Variants in SDK1 observed in about 807,000 individuals in gnomAD.
SDK1 encodes the protein protein sidekick-1.
In SDK1, 157 loss-of-function variants were observed where a neutral mutation model predicts 245.5. The observed-to-expected ratio is 0.64, with a 90% CI of 0.56 to 0.73. SDK1 has a LOEUF of 0.73. SDK1 is among the 30% of genes least tolerant of loss of function. The pLI is 0.00. For synonymous variants in SDK1, 1,647 were observed against 1,278.5 expected, an observed-to-expected ratio of 1.29 and a Z score of -6.15; for missense variants, 3,583 against 3,002.3, an observed-to-expected ratio of 1.19 and a Z score of -4.52.
chr7:3,901,827 T>G (rs1781800575), intron 5 of SDK1, among the ~76,000 whole-genome samples: 1 of 152,248 alleles, frequency 6.6e-6, no homozygotes, highest in Non-Finnish European at 1.5e-5. Flanking sequence ...TCTTCACATT[T>G]CCATTCCTTT....
intron 1 of SDK1, among the ~76,000 whole-genome samples, chr7:3,577,968 G>A (rs1009244537): frequency 1.3e-5 from 2 of 152,036 alleles, no homozygotes; most frequent in East Asian, 1.9e-4. Flanking sequence ...AGAGCTGAGA[G>A]ACTAGTGAAA....
Position 3,301,558 on chromosome 7 carries a change from C to T in SDK1, c.-29C>T. 1 of 838,422 alleles carries T rather than the reference C, an allele frequency of 1.2e-6. No homozygotes were observed. The highest frequency in any genetic ancestry group is 1.4e-6 in the Non-Finnish European group (1 of 699,892). The allele number at this position is 838,422 out of a possible 1,614,324, so 51.9% of individuals were successfully genotyped here. On this transcript the variant is annotated 5_prime_UTR_variant, in exon 1 of 45. Coordinates refer to ENST00000404826, the MANE Select transcript of SDK1 (RefSeq NM_152744.4). ...CTGTCCTGCCCGCCCGTCCGTCCGG[C>T]GCGGCGCTCGGGGTGGCGGCTGCTC...
At chr7:4,124,829 A>AATGG (rs1168476099) in intron 25 of SDK1, among the ~76,000 whole-genome samples, 1 of 152,180 alleles carries the variant, frequency 6.6e-6, no homozygotes. Context: ...TAGATGAGTG[A>AATGG]ATGGATGGAT....
intron 2 of SDK1, among the ~76,000 whole-genome samples, chr7:3,626,199 C>G (rs1770695560): frequency 6.6e-6 from 1 of 152,002 alleles, no homozygotes; most frequent in African/African-American, 2.4e-5. Flanking sequence ...CTTGGTCTCC[C>G]AAAGTGCTGA....
chr7:3,556,439 A>G (rs1305693445), intron 1 of SDK1, among the ~76,000 whole-genome samples: 1 of 152,146 alleles, frequency 6.6e-6, no homozygotes, highest in Non-Finnish European at 1.5e-5. Context: ...AGGGATGGTT[A>G]ATGGGTACAA....
At chr7:3,656,054 A>G (rs1047692087) in intron 4 of SDK1, among the ~76,000 whole-genome samples, 17 of 152,132 alleles carry the variant, frequency 1.1e-4, no homozygotes, top group Non-Finnish European at 1.8e-4. Context: ...GTGTTCTCCA[A>G]TTGTCTACAT....
At chr7:4,202,878 C>T (rs903528368) in intron 35 of SDK1, among the ~76,000 whole-genome samples, 1 of 152,182 alleles carries the variant, frequency 6.6e-6, no homozygotes, top group Non-Finnish European at 1.5e-5. Flanking sequence ...CCATGCAGGG[C>T]TCAGGTTCAC....
Position 3,614,029 on chromosome 7 carries a change from C to G in SDK1, c.299-5051C>G, listed in dbSNP as rs148415374. ...AGGAAGAGTAACAATGGATACTAGG[C>G]TTAATACCTGGGTGATGAAATAATC... On this transcript the variant is annotated intron_variant, in intron 1 of 44. Coordinates refer to ENST00000404826, the MANE Select transcript of SDK1 (RefSeq NM_152744.4). Among the ~76,000 whole-genome samples the G allele has an allele frequency of 2.5e-3, 386 of 152,224 alleles. 2 individuals carry two copies. Among genetic ancestry groups the G allele is most frequent in the African/African-American group, 8.8e-3 (367 of 41,542 alleles).
intron 1 of SDK1, among the ~76,000 whole-genome samples, chr7:3,473,851 AT>A (rs997751213): frequency 5.3e-5 from 8 of 150,984 alleles, no homozygotes; most frequent in Admixed American, 2.6e-4. Context: ...TATTTTTCTA[AT>A]TTTTTTTTCC....
intron 5 of SDK1, among the ~76,000 whole-genome samples, chr7:3,864,551 G>A (rs1780773744): frequency 6.6e-6 from 1 of 152,170 alleles, no homozygotes; most frequent in African/African-American, 2.4e-5. Context: ...CTGCAAGAAA[G>A]TAGGTTTCCA....
chr7:3,963,135 G>T (rs1019080098), intron 9 of SDK1, among the ~76,000 whole-genome samples: 1 of 113,094 alleles, frequency 8.8e-6, no homozygotes, highest in African/African-American at 4.0e-5. Flanking sequence ...ACCTGATCTG[G>T]ACGTATCCAG....
At chr7:3,489,999 A>G (rs948330720) in intron 1 of SDK1, among the ~76,000 whole-genome samples, 3 of 152,128 alleles carry the variant, frequency 2.0e-5, no homozygotes, top group Non-Finnish European at 2.9e-5. Context: ...CCTCGTGCTT[A>G]CTGGTTATGT....
At chr7:3,469,102 T>A (rs1446695446) in intron 1 of SDK1, among the ~76,000 whole-genome samples, 1 of 152,204 alleles carries the variant, frequency 6.6e-6, no homozygotes, top group Non-Finnish European at 1.5e-5. Context: ...CTGTTGTGAT[T>A]TGAAATTTCG....
chr7:4,120,931 A>G (rs571068457), intron 25 of SDK1, among the ~76,000 whole-genome samples: 1 of 146,308 alleles, frequency 6.8e-6, no homozygotes, highest in Non-Finnish European at 1.5e-5. Context: ...CACTCTTTTA[A>G]AAAAAAAAAA....
intron 4 of SDK1, among the ~76,000 whole-genome samples, chr7:3,773,541 G>T (rs1301647393): frequency 6.6e-6 from 1 of 152,096 alleles, no homozygotes; most frequent in Non-Finnish European, 1.5e-5. Flanking sequence ...CTTTTTCAGG[G>T]ACAGTTACTG....
chr7:3,618,569 G>C (rs182832814), intron 1 of SDK1, among the ~76,000 whole-genome samples: 2 of 152,318 alleles, frequency 1.3e-5, no homozygotes, highest in Admixed American at 1.3e-4. Flanking sequence ...GTATCCCATT[G>C]AAAGTCACCA....
At chr7:3,438,039 G>A (rs552748936) in intron 1 of SDK1, among the ~76,000 whole-genome samples, 1 of 152,150 alleles carries the variant, frequency 6.6e-6, no homozygotes, top group Non-Finnish European at 1.5e-5. Context: ...GCATTTTATA[G>A]ATGAAGAAAT....
intron 40 of SDK1, among the ~76,000 whole-genome samples, chr7:4,225,442 A>G (rs1332505043): frequency 4.6e-5 from 7 of 152,166 alleles, no homozygotes; most frequent in African/African-American, 1.4e-4. Context: ...TACCAGCCAG[A>G]CACGGGTGCC....
chr7:4,051,793 T>A lies in SDK1; in HGVS notation c.2874T>A (p.Pro958=). 6.2e-7 allele frequency: 1 copy of A among 1,613,646 alleles called. No individual in the cohort carries two copies. Among genetic ancestry groups the A allele is most frequent in the Non-Finnish European group, 8.5e-7 (1 of 1,179,798 alleles). Residue 958 remains proline, a synonymous_variant, in exon 19 of 45, where the codon CCT becomes CCA. Coordinates refer to ENST00000404826, the MANE Select transcript of SDK1 (RefSeq NM_152744.4). ...VLCFTTPGDG[P]PSTPQLVWTQ... ...GCTTCACCACCCCTGGGGACGGGCC[T>A]CCCAGCACACCTCAGCTGGTCTGGA...
Sources: gnomAD v4.1 joint callset for allele counts (sites outside exome capture counted in the v4.1 genomes callset) on GRCh38, gnomAD v4.1.1 for gene constraint, MANE v1.5 for transcripts, NCBI Gene and HGNC (gene_info 2026-07-23, HGNC 2026-07-21) for gene names.